The following DIP2B variants were observed in gnomAD, a reference collection of about 807,000 sequenced individuals.
The protein encoded by DIP2B is disco-interacting protein 2 homolog B.
In DIP2B, 76 loss-of-function variants were observed where a neutral mutation model predicts 198.0. That is an observed-to-expected ratio of 0.38 (90% confidence interval 0.32 to 0.46). DIP2B has a LOEUF of 0.46. Ranked by LOEUF, DIP2B falls within the 20% of genes least tolerant of loss-of-function variation. The pLI is 0.99. For synonymous variants in DIP2B, 701 were observed against 739.1 expected, an observed-to-expected ratio of 0.95 and a Z score of 0.84; for missense variants, 1,559 against 1,978.4, an observed-to-expected ratio of 0.79 and a Z score of 4.02.
rs572054407 is a variant in DIP2B, at chr12:50,516,080, A to G, written c.100+10840A>G. 1.4e-4 allele frequency among the ~76,000 whole-genome samples: 22 copies of G among 152,280 alleles called. 1 individual carries two copies. Among genetic ancestry groups the G allele is most frequent in the African/African-American group, 4.8e-4 (20 of 41,564 alleles). Reference sequence around the variant, plus strand: ...TGATGAGAGCCTGCTGTCTACTTCAAAGATGGCACCTTCTTGTTGCATCTT... The same window carrying G: ...TGATGAGAGCCTGCTGTCTACTTCAGAGATGGCACCTTCTTGTTGCATCTT... On this transcript the variant is annotated intron_variant, in intron 1 of 37. Transcript: ENST00000301180.
At chr12:50,628,805 C>T (rs1196867059) in intron 2 of DIP2B, among the ~76,000 whole-genome samples, 1 of 152,186 alleles carries the variant, frequency 6.6e-6, no homozygotes, top group Non-Finnish European at 1.5e-5. Flanking sequence ...CTATTGCCAT[C>T]TAATCTCAGT....
At position 50,744,716 on chromosome 12, in the gene DIP2B, C is replaced by T. The variant is rs146348117; in HGVS notation, c.4608C>T (p.Val1536=). 14 of 1,614,150 alleles carry T rather than the reference C, an allele frequency of 8.7e-6. No homozygotes were observed. The highest frequency in any genetic ancestry group is 4.4e-5 in the South Asian group (4 of 91,082). Residue 1536 remains valine (V), a synonymous_variant, in exon 38 of 38, where the codon GTC becomes GTT. Coordinates refer to ENST00000301180, the MANE Select transcript of DIP2B (RefSeq NM_173602.3). ...VLEEHYLIVG[V]VVVVDPGVIP... is the part of the protein sequence containing the mutation. ...AAGAGCATTACCTCATCGTTGGCGT[C>T]GTGGTTGTGGTGGACCCAGGTGTCA...
chr12:50,599,850 G>A (rs906613008), intron 1 of DIP2B, among the ~76,000 whole-genome samples: 2 of 152,102 alleles, frequency 1.3e-5, no homozygotes, highest in Admixed American at 6.6e-5. Flanking sequence ...TGTTTTCTGC[G>A]ATGGCAATAG....
rs1446255473 is a variant in DIP2B, at chr12:50,696,975, T to C, written c.1934-86T>C. The C allele has an allele frequency of 5.2e-6, 5 of 957,954 alleles. No homozygotes were observed. The South Asian group carries it at 8.0e-5, about 15-fold the overall frequency. The allele number at this position is 957,954 out of a possible 1,614,324, so 59.3% of individuals were successfully genotyped here. A position where few individuals can be genotyped will look rare whatever the true frequency, so the allele number is the denominator to read the frequency against. On this transcript the variant is annotated intron_variant, in intron 16 of 37. Coordinates refer to ENST00000301180, the MANE Select transcript of DIP2B (RefSeq NM_173602.3). Reference sequence around the variant, plus strand: ...AATATGAGTTCTCATGAGAAATAAGTATGTCAGCTTTCTATTCTTTACCAT... The same window carrying C: ...AATATGAGTTCTCATGAGAAATAAGCATGTCAGCTTTCTATTCTTTACCAT...
At chr12:50,535,347 C>G (rs1339598559) in intron 1 of DIP2B, among the ~76,000 whole-genome samples, 1 of 151,776 alleles carries the variant, frequency 6.6e-6, no homozygotes, top group Non-Finnish European at 1.5e-5. Context: ...AGGACGATTG[C>G]TTGAGCCCAG....
At chr12:50,573,283 G>A (rs117411038) in intron 1 of DIP2B, among the ~76,000 whole-genome samples, 515 of 152,338 alleles carry the variant, frequency 3.4e-3, no homozygotes, top group Non-Finnish European at 5.3e-3. Flanking sequence ...ACTGTGTAAA[G>A]CTCTGTGCTG....
chr12:50,518,212 G>A (rs1958083098), intron 1 of DIP2B, among the ~76,000 whole-genome samples: 2 of 136,876 alleles, frequency 1.5e-5, no homozygotes, highest in Admixed American at 1.7e-4. Flanking sequence ...TTCACATATG[G>A]TCTTGGGCAA....
At chr12:50,536,414 C>G (rs530641544) in intron 1 of DIP2B, among the ~76,000 whole-genome samples, 15 of 152,138 alleles carry the variant, frequency 9.9e-5, no homozygotes, top group South Asian at 4.1e-4. Context: ...TATGATCATG[C>G]CACAGCCTGG....
chr12:50,607,431 A>G (rs968588841), intron 1 of DIP2B, among the ~76,000 whole-genome samples: 1 of 152,176 alleles, frequency 6.6e-6, no homozygotes, highest in African/African-American at 2.4e-5. Context: ...GACATTTTTA[A>G]ACATTAAGAC....
intron 4 of DIP2B, among the ~76,000 whole-genome samples, 160 bp downstream of exon 4, chr12:50,660,479 G>A (rs375173683): frequency 2.6e-5 from 4 of 151,926 alleles, no homozygotes; most frequent in Admixed American, 6.6e-5. Context: ...TTGTCATCTC[G>A]TAAACAACAC....
chr12:50,678,215 G>A (rs945193907), intron 7 of DIP2B, among the ~76,000 whole-genome samples: 2 of 151,754 alleles, frequency 1.3e-5, no homozygotes, highest in African/African-American at 4.9e-5. Context: ...GGAAAGCCAA[G>A]CTCAGGTAAA....
chr12:50,701,217 G>A (rs1466688781), intron 19 of DIP2B, among the ~76,000 whole-genome samples: 4 of 152,188 alleles, frequency 2.6e-5, no homozygotes, highest in African/African-American at 7.2e-5. Context: ...AATAAAAATT[G>A]TACCAGAAAA....
intron 1 of DIP2B, among the ~76,000 whole-genome samples, chr12:50,539,604 G>GAA (rs1958301518): frequency 9.0e-6 from 1 of 111,262 alleles, no homozygotes; most frequent in Admixed American, 1.2e-4. Context: ...CAACAAGAGT[G>GAA]AAATACTCTG....
chr12:50,675,557 G>A, intron 7 of DIP2B, 109 bp downstream of exon 7: 1 of 1,029,174 alleles, frequency 9.7e-7, no homozygotes, highest in African/African-American at 1.6e-5. Context: ...ACAGTTCTTG[G>A]TTCAAAGAGT....
intron 1 of DIP2B, among the ~76,000 whole-genome samples, chr12:50,532,617 T>C (rs911876750): frequency 3.9e-5 from 6 of 152,214 alleles, no homozygotes; most frequent in Non-Finnish European, 8.8e-5. Context: ...GCAGCTGTGC[T>C]TCTGTGGAAA....
Position 50,734,252 on chromosome 12 carries a change from G to A in DIP2B, c.4043+56G>A, listed in dbSNP as rs567899493. ...ACTAGTTCCTAAGCATAACAAATTCGGAACCTCAAAGCCAGCATTTTCCCT... is the reference window on the plus strand; with the variant it reads ...ACTAGTTCCTAAGCATAACAAATTCAGAACCTCAAAGCCAGCATTTTCCCT... On this transcript the variant is annotated intron_variant, in intron 33 of 37. Coordinates refer to ENST00000301180, the MANE Select transcript of DIP2B (RefSeq NM_173602.3). 45 of 1,581,086 alleles carry A rather than the reference G, an allele frequency of 2.8e-5. 1 individual carries two copies. The South Asian group carries it at 2.9e-4, about 10-fold the overall frequency.
At chr12:50,526,669 T>C (rs1429381523) in intron 1 of DIP2B, among the ~76,000 whole-genome samples, 1 of 114,374 alleles carries the variant, frequency 8.7e-6, no homozygotes, top group African/African-American at 3.3e-5. Context: ...AGAGTTTCAC[T>C]CTTGTTGCCC....
chr12:50,715,056 C>CT, intron 23 of DIP2B, among the ~76,000 whole-genome samples: 1 of 152,324 alleles, frequency 6.6e-6, no homozygotes, highest in East Asian at 1.9e-4. Flanking sequence ...CTAGTCTTGG[C>CT]TGCAGGTTGC....
chr12:50,588,913 G>A (rs1002930887), intron 1 of DIP2B, among the ~76,000 whole-genome samples: 1 of 152,182 alleles, frequency 6.6e-6, no homozygotes, highest in South Asian at 2.1e-4. Flanking sequence ...TGCTGGGCGC[G>A]GTGGCTCACG....
Sources: gnomAD v4.1 joint callset for allele counts (sites outside exome capture counted in the v4.1 genomes callset) on GRCh38, gnomAD v4.1.1 for gene constraint, MANE v1.5 for transcripts, NCBI Gene and HGNC (gene_info 2026-07-23, HGNC 2026-07-21) for gene names.